The following ATAD3B variants were observed in gnomAD, a reference collection of about 807,000 sequenced individuals.
ATAD3B encodes the protein ATPase family AAA domain containing 3B, also known as ATPase family AAA domain-containing protein 3B.
ATAD3B carries 59 observed loss-of-function variants against 70.2 expected under a neutral mutation model. The ratio of observed to expected loss-of-function variants is 0.84; its 90% CI spans 0.68 to 1.04. The LOEUF (loss-of-function observed/expected upper bound fraction) is 1.04. Among genes scored for constraint, ATAD3B ranks in the 50% least tolerant of loss-of-function variants. The probability of loss-of-function intolerance (pLI) is 0.00; values close to 1 mark genes in which losing one functional copy is unlikely to be tolerated. For missense variants in ATAD3B, 961 were observed against 913.4 expected (o/e 1.05, Z -0.67); for synonymous variants, 423 against 388.6 (o/e 1.09, Z -1.04).
At position 1,478,801 on chromosome 1, in the gene ATAD3B, G is replaced by T; in HGVS notation, c.384+56G>T. The T allele has an allele frequency of 8.2e-6, 11 of 1,334,224 alleles. 1 individual carries two copies. Among genetic ancestry groups the T allele is most frequent in the Non-Finnish European group, 1.1e-5 (11 of 989,376 alleles). 82.6% of individuals were successfully genotyped at this position (1,334,224 alleles called of 1,614,324 possible). A position where few individuals can be genotyped will look rare whatever the true frequency, so the allele number is the denominator to read the frequency against. On this transcript the variant is annotated intron_variant, in intron 3 of 15. Transcript: ENST00000673477. ...GCCCGGCTGCGGGGAGCGGCCTGGGGCAGGACTGGGAGCTGGGTGTGGTCC... is the reference window on the plus strand; with the variant it reads ...GCCCGGCTGCGGGGAGCGGCCTGGGTCAGGACTGGGAGCTGGGTGTGGTCC...
chr1:1,483,019 C>A (rs755646404), intron 7 of ATAD3B: 1 of 457,400 alleles, frequency 2.2e-6, no homozygotes, highest in African/African-American at 2.0e-5. Context: ...AATGGCCAGG[C>A]GGTAGTGGCT....
chr1:1,499,216 C>T (rs1358995918), downstream of ATAD3B, among the ~76,000 whole-genome samples: 1 of 150,780 alleles, frequency 6.6e-6, no homozygotes, highest in African/African-American at 2.4e-5. Context: ...CGTGATCCGC[C>T]CGCCTCGACC....
At chr1:1,497,999 C>G (rs1041393657), downstream of ATAD3B, among the ~76,000 whole-genome samples, 2 of 150,998 alleles carry the variant, frequency 1.3e-5, no homozygotes, top group African/African-American at 4.9e-5. Flanking sequence ...AACCCCATCT[C>G]TACAAAAAAT....
chr1:1,507,646 T>C, the ATAD3B span, among the ~76,000 whole-genome samples: 2 of 152,230 alleles, frequency 1.3e-5, no homozygotes, highest in Non-Finnish European at 2.9e-5. Context: ...TATTGGCCTG[T>C]CATTTTTCTT....
chr1:1,500,532 G>T (rs565657401), downstream of ATAD3B, among the ~76,000 whole-genome samples: 47 of 146,382 alleles, frequency 3.2e-4, no homozygotes, highest in African/African-American at 9.8e-4. Context: ...AGTCTCTGGG[G>T]GACAGAGCGA....
chr1:1,499,961 G>C (rs528730886), downstream of ATAD3B, among the ~76,000 whole-genome samples: 3 of 140,588 alleles, frequency 2.1e-5, no homozygotes, highest in Non-Finnish European at 4.6e-5. Flanking sequence ...CCAGTGGCAC[G>C]ATCTTGTCTC....
Position 1,489,184 on chromosome 1 carries a change from C to T in ATAD3B, c.1267-20C>T. On this transcript the variant is annotated intron_variant, in intron 12 of 15. Coordinates refer to ENST00000673477, the MANE Select transcript of ATAD3B (RefSeq NM_031921.6). ...AAGGCTTTGCTTCTGGTGCCTAAGG[C>T]TGGAACCTTCTCTCTGCAGGAGGAG... 5.0e-6 allele frequency: 8 copies of T among 1,613,272 alleles called. No homozygotes were observed. The highest frequency in any genetic ancestry group is 6.8e-6 in the Non-Finnish European group (8 of 1,179,380).
At chr1:1,477,414 TG>T in intron 2 of ATAD3B, 64 bp downstream of exon 2, 1 of 1,607,636 alleles carries the variant, frequency 6.2e-7, no homozygotes, top group Non-Finnish European at 8.5e-7. Flanking sequence ...TGGAGATTGG[TG>T]GGGCTGCTAC....
At position 1,488,029 on chromosome 1, in the gene ATAD3B, G is replaced by A. The variant is rs544408120; in HGVS notation, c.1266+115G>A. The A allele has an allele frequency of 1.9e-4, 262 of 1,412,286 alleles. 2 individuals are homozygous for A. In the African/African-American group the frequency reaches 2.8e-3, roughly 15 times the overall value. The allele number at this position is 1,412,286 out of a possible 1,614,324, so 87.5% of individuals were successfully genotyped here. Reference sequence around the variant, plus strand: ...GCTTGCAGTGGCGCAATCTTGGCTCGCTGCAACCTCTGCCTCCTGGGTTCA... The same window carrying A: ...GCTTGCAGTGGCGCAATCTTGGCTCACTGCAACCTCTGCCTCCTGGGTTCA... On this transcript the variant is annotated intron_variant, in intron 12 of 15. Transcript: ENST00000673477.
intron 12 of ATAD3B, 42 bp downstream of exon 12, chr1:1,487,956 C>G (rs752977494): frequency 2.5e-6 from 4 of 1,608,844 alleles, no homozygotes; most frequent in African/African-American, 2.7e-5. Flanking sequence ...GGAGGGTGGT[C>G]GGGTGGGCGC....
chr1:1,482,887 G>A (rs3961779), intron 7 of ATAD3B, among the ~76,000 whole-genome samples: 8 of 151,900 alleles, frequency 5.3e-5, no homozygotes, highest in Non-Finnish European at 1.2e-4. Flanking sequence ...CTGTGGTCCT[G>A]CTACTCGAGA....
downstream of ATAD3B, among the ~76,000 whole-genome samples, chr1:1,498,959 G>A (rs1640879311): frequency 6.7e-6 from 1 of 149,164 alleles, no homozygotes; most frequent in South Asian, 2.1e-4. Context: ...CTACTGCTGT[G>A]TGGTTCCTCT....
At chr1:1,505,574 G>A in the ATAD3B span, among the ~76,000 whole-genome samples, 1 of 152,124 alleles carries the variant, frequency 6.6e-6, no homozygotes, top group Non-Finnish European at 1.5e-5. Context: ...TGACACTGAC[G>A]CTACCGCTAG....
intron 7 of ATAD3B, chr1:1,484,713 G>A (rs1465233862): frequency 3.5e-5 from 19 of 542,778 alleles, no homozygotes; most frequent in Non-Finnish European, 4.9e-5. Flanking sequence ...CAGAGGGTGT[G>A]GCCCTGTGAC....
intron 12 of ATAD3B, among the ~76,000 whole-genome samples, chr1:1,488,571 C>G (rs1409316538): frequency 6.6e-6 from 1 of 151,836 alleles, no homozygotes; most frequent in Non-Finnish European, 1.5e-5. Context: ...CCAGCTTGGT[C>G]AATATGGTGA....
At chr1:1,500,491 GCA>G (rs1290499523), downstream of ATAD3B, among the ~76,000 whole-genome samples, 2 of 142,208 alleles carry the variant, frequency 1.4e-5, no homozygotes, top group Non-Finnish European at 3.1e-5. Context: ...GGCGGAGCTT[GCA>G]GTGAGTCGAG....
At chr1:1,505,201 C>CG in the ATAD3B span, among the ~76,000 whole-genome samples, 1 of 152,072 alleles carries the variant, frequency 6.6e-6, no homozygotes. Context: ...GGTAAGGTCA[C>CG]GTGGGTCACG....
chr1:1,496,114 G>A lies in ATAD3B; in HGVS notation c.*297G>A. 8.6e-7 allele frequency: 1 copy of A among 1,164,254 alleles called. No homozygotes were observed. The highest frequency in any genetic ancestry group is 3.4e-5 in the South Asian group (1 of 29,012). 72.1% of individuals were successfully genotyped at this position (1,164,254 alleles called of 1,614,324 possible). A position where few individuals can be genotyped will look rare whatever the true frequency, so the allele number is the denominator to read the frequency against. ...CCAGGGGCCACGGAACCCGGCAGGG[G>A]TGTCTGAGGCCGCCCTGTCAGCTGG... On this transcript the variant is annotated 3_prime_UTR_variant, in exon 16 of 16. Transcript: ENST00000673477.
chr1:1,489,144 G>A, intron 12 of ATAD3B, 60 bp from the exon 13 acceptor site: 1 of 1,610,448 alleles, frequency 6.2e-7, no homozygotes. Flanking sequence ...GGGACTTTCT[G>A]CTCTGGCTGT....
Sources: allele counts gnomAD v4.1 joint callset (sites outside exome capture counted in the v4.1 genomes callset), GRCh38; gene constraint gnomAD v4.1.1; transcripts MANE v1.5; gene names NCBI Gene and HGNC (gene_info 2026-07-23, HGNC 2026-07-21).